Variants in KAZN observed in about 807,000 individuals in gnomAD.
KAZN encodes kazrin.
KAZN carries 40 observed loss-of-function variants against 87.4 expected under a neutral mutation model. That is an observed-to-expected ratio of 0.46 (90% CI 0.36 to 0.60). The LOEUF is 0.60. Among genes scored for constraint, KAZN ranks in the 20% least tolerant of loss-of-function variants. The probability of loss-of-function intolerance (pLI) is 0.00; values close to 1 mark genes in which losing one functional copy is unlikely to be tolerated. For missense variants in KAZN, 898 were observed against 1,073.9 expected (o/e 0.84, Z 2.29); for synonymous variants, 466 against 458.3 (o/e 1.02, Z -0.22).
At chr1:14,715,209 G>C (rs1642726420) in intron 1 of KAZN, among the ~76,000 whole-genome samples, 1 of 152,208 alleles carries the variant, frequency 6.6e-6, no homozygotes. Flanking sequence ...GCTAGTGTGT[G>C]ATCTGCCACC....
At chr1:14,094,948 G>T (rs897470329) in intron 1 of KAZN, among the ~76,000 whole-genome samples, 1 of 152,152 alleles carries the variant, frequency 6.6e-6, no homozygotes, top group African/African-American at 2.4e-5. Flanking sequence ...TTTGGGGGCC[G>T]CAATGTTCAA....
chr1:14,450,626 G>A (rs1471554440), intron 2 of KAZN, among the ~76,000 whole-genome samples: 3 of 152,058 alleles, frequency 2.0e-5, no homozygotes, highest in Admixed American at 2.0e-4. Flanking sequence ...GCAAAACAGA[G>A]CTGCTGCATG....
At chr1:14,253,850 G>T (rs1007741994) in intron 2 of KAZN, among the ~76,000 whole-genome samples, 2 of 151,072 alleles carry the variant, frequency 1.3e-5, no homozygotes, top group Non-Finnish European at 2.9e-5. Flanking sequence ...TATTCATGTC[G>T]CAGATGTATG....
At chr1:14,664,780 A>T (rs1367148002) in intron 1 of KAZN, among the ~76,000 whole-genome samples, 3 of 151,194 alleles carry the variant, frequency 2.0e-5, no homozygotes, top group Non-Finnish European at 4.4e-5. Flanking sequence ...CAGCCTCCCG[A>T]GTAGCTGGGA....
chr1:14,551,163 A>G (rs1673493531), intron 2 of KAZN, among the ~76,000 whole-genome samples: 2 of 152,162 alleles, frequency 1.3e-5, no homozygotes, highest in African/African-American at 4.8e-5. Context: ...GGCCCTTGGC[A>G]GTCAACTTCA....
At chr1:14,941,871 A>T (rs561487983) in intron 1 of KAZN, among the ~76,000 whole-genome samples, 2 of 152,154 alleles carry the variant, frequency 1.3e-5, no homozygotes, top group South Asian at 4.1e-4. Context: ...AGGCATCAGG[A>T]TGAGAGAATA....
chr1:14,439,962 T>C (rs1248480438), intron 2 of KAZN, among the ~76,000 whole-genome samples: 1 of 152,130 alleles, frequency 6.6e-6, no homozygotes, highest in Non-Finnish European at 1.5e-5. Context: ...CCCAACCACG[T>C]CCCACCCCCA....
At chr1:14,924,282 G>A (rs1181146356) in intron 1 of KAZN, 24 of 983,234 alleles carry the variant, frequency 2.4e-5, no homozygotes, top group Non-Finnish European at 2.7e-5. Flanking sequence ...CCGATGCGGC[G>A]GCGACCTCCG....
intron 1 of KAZN, among the ~76,000 whole-genome samples, chr1:13,990,381 A>G (rs777679141): frequency 5.3e-5 from 8 of 152,224 alleles, no homozygotes; most frequent in Non-Finnish European, 1.0e-4. Flanking sequence ...ACCAATATGG[A>G]TGAATATCAT....
At chr1:14,518,024 T>C (rs1432991408) in intron 2 of KAZN, among the ~76,000 whole-genome samples, 2 of 152,078 alleles carry the variant, frequency 1.3e-5, no homozygotes, top group Non-Finnish European at 2.9e-5. Context: ...ATTTTTGGGA[T>C]TGGAGTTCTG....
chr1:14,529,292 G>A (rs117489140), intron 2 of KAZN, among the ~76,000 whole-genome samples: 81 of 152,250 alleles, frequency 5.3e-4, no homozygotes, highest in East Asian at 4.1e-3. Flanking sequence ...TGACAAGAGC[G>A]AGTCTTCATC....
chr1:14,290,875 CT>C (rs1258767505), intron 2 of KAZN, among the ~76,000 whole-genome samples: 2 of 152,128 alleles, frequency 1.3e-5, no homozygotes, highest in African/African-American at 4.8e-5. Context: ...TGTGGATGTC[CT>C]TTTTGTTGAT....
rs762613728 is a variant in KAZN, at chr1:14,858,209, C to CTTTTTTTTTTTTTTTTTTTTTTTTTT, written c.227-102471_227-102470insTTTTTTTTTTTTTTTTTTTTTTTTTT. 1.3e-4 allele frequency among the ~76,000 whole-genome samples: 15 copies of CTTTTTTTTTTTTTTTTTTTTTTTTTT among 115,886 alleles called. 1 individual carries two copies. Among genetic ancestry groups the CTTTTTTTTTTTTTTTTTTTTTTTTTT allele is most frequent in the African/African-American group, 4.2e-4 (11 of 26,362 alleles). 76.0% of individuals were successfully genotyped at this position (115,886 alleles called of 152,430 possible). A position where few individuals can be genotyped will look rare whatever the true frequency, so the allele number is the denominator to read the frequency against. On this transcript the variant is annotated intron_variant, in intron 1 of 14. Coordinates refer to ENST00000376030, the MANE Select transcript of KAZN (RefSeq NM_201628.3). ...CTTTCTTTTTTTCTTTTTTCTTTTT[C>CTTTTTTTTTTTTTTTTTTTTTTTTTT]TTTTCTTTTTTTTTTTTTTTTGAGA...
chr1:14,255,649 C>T (rs534369408), intron 2 of KAZN, among the ~76,000 whole-genome samples: 25 of 152,326 alleles, frequency 1.6e-4, no homozygotes, highest in Admixed American at 7.2e-4. Context: ...AAAAGTTGCA[C>T]GGTGTGACTT....
intron 6 of KAZN, chr1:15,061,058 C>T (rs1252662104): frequency 6.6e-6 from 1 of 152,200 alleles, no homozygotes; most frequent in Non-Finnish European, 1.5e-5. Flanking sequence ...GTTAGATCCT[C>T]AAATGCACGA....
intron 2 of KAZN, among the ~76,000 whole-genome samples, chr1:14,546,304 A>G (rs888924511): frequency 1.3e-5 from 2 of 152,272 alleles, no homozygotes; most frequent in African/African-American, 4.8e-5. Context: ...AGATGGAGAG[A>G]AAAGCTTCCA....
At chr1:14,235,768 G>A (rs1648362964) in intron 2 of KAZN, among the ~76,000 whole-genome samples, 1 of 152,114 alleles carries the variant, frequency 6.6e-6, no homozygotes, top group Non-Finnish European at 1.5e-5. Context: ...TGGACTCTTA[G>A]GCATCCATTT....
intron 1 of KAZN, among the ~76,000 whole-genome samples, chr1:14,929,457 G>A (rs778489238): frequency 2.4e-4 from 36 of 152,150 alleles, no homozygotes; most frequent in Non-Finnish European, 1.5e-5. Flanking sequence ...GGAGGAAGAA[G>A]AGTTTGTTCA....
At chr1:14,692,289 T>C (rs1217951635) in intron 1 of KAZN, 3 of 672,522 alleles carry the variant, frequency 4.5e-6, no homozygotes, top group Non-Finnish European at 6.8e-6. Flanking sequence ...TTGTAGGATC[T>C]CTGCCTGCTT....
Sources: allele counts gnomAD v4.1 joint callset (sites outside exome capture counted in the v4.1 genomes callset), GRCh38; gene constraint gnomAD v4.1.1; transcripts MANE v1.5; gene names NCBI Gene and HGNC (gene_info 2026-07-23, HGNC 2026-07-21).